B3GLCT: variants seen among roughly 807,000 people sequenced by gnomAD.
B3GLCT encodes the protein beta 3-glucosyltransferase, also known as beta-1,3-glucosyltransferase.
A neutral mutation model predicts 63.4 loss-of-function variants in B3GLCT; 65 were observed. The observed-to-expected ratio is 1.03, with a 90% confidence interval of 0.84 to 1.26. B3GLCT has a LOEUF of 1.26. B3GLCT is among the 50% of genes most tolerant of loss of function. The probability of loss-of-function intolerance (pLI) is 0.00; values close to 1 mark genes in which losing one functional copy is unlikely to be tolerated. For synonymous variants in B3GLCT, 233 were observed against 219.2 expected, an observed-to-expected ratio of 1.06 and a Z score of -0.55; for missense variants, 577 against 604.8, an observed-to-expected ratio of 0.95 and a Z score of 0.48.
chr13:31,235,751 G>A (rs546122981), intron 4 of B3GLCT, among the ~76,000 whole-genome samples: 1 of 152,308 alleles, frequency 6.6e-6, no homozygotes, highest in South Asian at 2.1e-4. Flanking sequence ...GTGGAATCAT[G>A]TTGTGTAACA....
rs528715988 is a variant in B3GLCT, at chr13:31,299,296, C to T, written c.1064+12477C>T. Among the ~76,000 whole-genome samples the T allele has an allele frequency of 3.9e-5, 6 of 152,288 alleles. No homozygotes were observed. The South Asian group carries it at 1.0e-3, about 26-fold the overall frequency. ...TGACTCTGAGGAGACTATCTCTGTGCCCATTGTTGGACATCATAGGCTGTA... is the reference window on the plus strand; with the variant it reads ...TGACTCTGAGGAGACTATCTCTGTGTCCATTGTTGGACATCATAGGCTGTA... On this transcript the variant is annotated intron_variant, in intron 12 of 14. Transcript: ENST00000343307.
chr13:31,242,931 G>C (rs991380116), intron 4 of B3GLCT, among the ~76,000 whole-genome samples: 1 of 152,008 alleles, frequency 6.6e-6, no homozygotes, highest in Admixed American at 6.6e-5. Context: ...AATCTGCTGG[G>C]GGCCATAAAT....
At chr13:31,296,703 ATT>A (rs11314313) in intron 12 of B3GLCT, among the ~76,000 whole-genome samples, 9 of 151,130 alleles carry the variant, frequency 6.0e-5, no homozygotes, top group Admixed American at 6.6e-5. Context: ...ATTATGTAAC[ATT>A]TTTTTTTTAT....
At chr13:31,283,083 A>G (rs1260575174) in intron 10 of B3GLCT, 1 of 152,248 alleles carries the variant, frequency 6.6e-6, no homozygotes, top group East Asian at 1.9e-4. Context: ...TTGAGAAGAA[A>G]CACCCGTGTT....
intron 12 of B3GLCT, among the ~76,000 whole-genome samples, chr13:31,316,407 T>TATATATATATATATA (rs1555255282): frequency 4.9e-5 from 2 of 40,868 alleles, no homozygotes; most frequent in South Asian, 1.2e-3. Context: ...TTTGGAGGTT[T>TATATATATATATATA]TATATATATA....
intron 12 of B3GLCT, among the ~76,000 whole-genome samples, chr13:31,298,801 C>G (rs946742085): frequency 1.3e-5 from 2 of 152,192 alleles, no homozygotes; most frequent in Non-Finnish European, 2.9e-5. Context: ...TTTTTACCAC[C>G]AGGCAATATA....
chr13:31,329,390 G>T, intron 14 of B3GLCT, 111 bp from the exon 15 acceptor site: 1 of 1,226,024 alleles, frequency 8.2e-7, no homozygotes. Context: ...GATTCCTATA[G>T]CCAATGTTAG....
chr13:31,268,062 G>A (rs139346304), intron 7 of B3GLCT, among the ~76,000 whole-genome samples: 1 of 151,964 alleles, frequency 6.6e-6, no homozygotes, highest in East Asian at 1.9e-4. Flanking sequence ...CCCAGGATGG[G>A]CTCTAACTCC....
In B3GLCT at chr13:31,244,747, A is replaced by ATG. The variant is rs1219882311; in HGVS notation, c.271-2272_271-2271dup. On this transcript the variant is annotated intron_variant, in intron 4 of 14. Transcript: ENST00000343307. ...TCTCTGTGTGCATTCATATATATATATGTGTATATATGTGTGTATATGTAT... is the reference window on the plus strand; with the variant it reads ...TCTCTGTGTGCATTCATATATATATATGTGTGTATATATGTGTGTATATGTAT... 7.2e-5 allele frequency among the ~76,000 whole-genome samples: 11 copies of ATG among 152,004 alleles called. No homozygotes were observed. The East Asian group carries it at 2.1e-3, about 29-fold the overall frequency.
intron 12 of B3GLCT, among the ~76,000 whole-genome samples, chr13:31,309,949 A>G (rs1168414846): frequency 1.3e-5 from 2 of 152,174 alleles, no homozygotes; most frequent in Non-Finnish European, 2.9e-5. Flanking sequence ...ACCCACAATC[A>G]GATTAAATTC....
chr13:31,296,916 A>T (rs572583830), intron 12 of B3GLCT, among the ~76,000 whole-genome samples: 5 of 152,024 alleles, frequency 3.3e-5, no homozygotes, highest in Admixed American at 3.3e-4. Flanking sequence ...TTAAAAAATA[A>T]CTCTCTATAC....
intron 7 of B3GLCT, among the ~76,000 whole-genome samples, chr13:31,265,755 C>T (rs1040165491): frequency 6.6e-6 from 1 of 152,166 alleles, no homozygotes; most frequent in African/African-American, 2.4e-5. Flanking sequence ...TGTTTTTCCA[C>T]CAGCAAACCT....
At chr13:31,289,175 T>G (rs1033021850) in intron 12 of B3GLCT, among the ~76,000 whole-genome samples, 1 of 151,980 alleles carries the variant, frequency 6.6e-6, no homozygotes, top group African/African-American at 2.4e-5. Flanking sequence ...GACAGATCTT[T>G]TGAAATAATT....
At chr13:31,271,999 CA>C (rs1872590390) in intron 8 of B3GLCT, among the ~76,000 whole-genome samples, 1 of 152,170 alleles carries the variant, frequency 6.6e-6, no homozygotes, top group East Asian at 1.9e-4. Context: ...TTGTTTGCCT[CA>C]TAATCGTTTT....
At chr13:31,296,334 C>T (rs1339721061) in intron 12 of B3GLCT, among the ~76,000 whole-genome samples, 3 of 152,192 alleles carry the variant, frequency 2.0e-5, no homozygotes, top group African/African-American at 7.2e-5. Context: ...GGGCTAGAAG[C>T]CTGAGATCAG....
chr13:31,266,174 G>A (rs188995163), intron 7 of B3GLCT, among the ~76,000 whole-genome samples: 82 of 151,928 alleles, frequency 5.4e-4, no homozygotes, highest in Non-Finnish European at 7.8e-4. Context: ...ATATTTTTGT[G>A]TTTTTAGTAG....
Position 31,276,898 on chromosome 13 carries a change from G to A in B3GLCT, c.850+127G>A. 7 of 759,942 alleles carry A rather than the reference G, an allele frequency of 9.2e-6. 1 individual carries two copies. The South Asian group carries it at 1.0e-4, about 11-fold the overall frequency. 47.1% of individuals were successfully genotyped at this position (759,942 alleles called of 1,614,324 possible). On this transcript the variant is annotated intron_variant, in intron 10 of 14. Coordinates refer to ENST00000343307, the MANE Select transcript of B3GLCT (RefSeq NM_194318.4). Reference sequence around the variant, plus strand: ...TGACAATTCGGATGTTGAAGTGAAAGCAGTTATTTAATCAATACTCCTCAT... The same window carrying A: ...TGACAATTCGGATGTTGAAGTGAAAACAGTTATTTAATCAATACTCCTCAT...
chr13:31,299,703 A>G (rs931577135), intron 12 of B3GLCT, among the ~76,000 whole-genome samples: 5 of 152,136 alleles, frequency 3.3e-5, no homozygotes, highest in African/African-American at 1.2e-4. Context: ...CACTAATTTC[A>G]TGGATCCAGG....
Position 31,269,228 on chromosome 13 carries a change from T to C in B3GLCT, c.611T>C (p.Leu204Pro). The part of the protein sequence containing the change: ...IPLVNKLTKR[L>P]KSESLKSDFT... ...CTATTTTCTAGGCTTACCAAGAGAC[T>C]AAAGAGTGAATCCTTGAAATCCGAC... Residue 204 changes from leucine (L) to proline (P), a missense_variant, in exon 8 of 15, where the codon CTA becomes CCA. Leu to Pro is a moderately conservative substitution (Grantham distance 98). Transcript: ENST00000343307. The C allele has an allele frequency of 1.2e-6, 2 of 1,609,718 alleles. No individual in the cohort carries two copies. Among genetic ancestry groups the C allele is most frequent in the Non-Finnish European group, 1.7e-6 (2 of 1,176,198 alleles).
Sources: allele counts gnomAD v4.1 joint callset (sites outside exome capture counted in the v4.1 genomes callset), GRCh38; gene constraint gnomAD v4.1.1; transcripts MANE v1.5; gene names NCBI Gene and HGNC (gene_info 2026-07-23, HGNC 2026-07-21).